Variants in HJURP observed in about 807,000 individuals in gnomAD.
HJURP encodes Holliday junction recognition protein, also known as 14-3-3-associated AKT substrate.
HJURP carries 49 observed loss-of-function variants against 72.0 expected under a neutral mutation model. The ratio of observed to expected loss-of-function variants is 0.68; its 90% confidence interval spans 0.54 to 0.86. The LOEUF is 0.86. Ranked by LOEUF, HJURP falls within the 40% of genes least tolerant of loss-of-function variation. The pLI, the probability that HJURP is intolerant of heterozygous loss-of-function variation, is 0.00. For missense variants in HJURP, 908 were observed against 936.3 expected (o/e 0.97, Z 0.39); for synonymous variants, 357 against 347.1 (o/e 1.03, Z -0.32).
At chr2:233,852,384 C>T (rs1287809809) in intron 3 of HJURP, among the ~76,000 whole-genome samples, 181 bp downstream of exon 3, 1 of 152,186 alleles carries the variant, frequency 6.6e-6, no homozygotes, top group African/African-American at 2.4e-5. Flanking sequence ...ACTCCTTGCA[C>T]TTGACAAGCT....
In HJURP at chr2:233,854,535, T is replaced by G. The variant is rs200433128; in HGVS notation, c.-35A>C. 1.4e-6 allele frequency: 2 copies of G among 1,477,284 alleles called. No individual in the cohort carries two copies. Among genetic ancestry groups the G allele is most frequent in the Admixed American group, 1.9e-5 (1 of 53,634 alleles). 91.5% of individuals were successfully genotyped at this position (1,477,284 alleles called of 1,614,324 possible). ...CCAGTACCCAAGCGCCAACCCGGAC[T>G]GCAGGGCCTCGCGCGCCACAAACTC... On this transcript the variant is annotated 5_prime_UTR_variant, in exon 1 of 9. Coordinates refer to ENST00000411486, the MANE Select transcript of HJURP (RefSeq NM_018410.5).
At chr2:233,838,421 AAAGC>A (rs1476992593) in intron 8 of HJURP, among the ~76,000 whole-genome samples, 2 of 152,154 alleles carry the variant, frequency 1.3e-5, no homozygotes, top group Non-Finnish European at 2.9e-5. Context: ...AGCAGGTGAA[AAAGC>A]AAGGCAGGAG....
At chr2:233,849,961 G>C in intron 3 of HJURP, 102 bp from the exon 4 acceptor site, 3 of 705,082 alleles carry the variant, frequency 4.3e-6, no homozygotes, top group East Asian at 5.4e-5. Context: ...TAACACAGGA[G>C]ACAGCAAGAG....
chr2:233,852,011 C>T (rs1178207655), intron 3 of HJURP, among the ~76,000 whole-genome samples: 1 of 152,154 alleles, frequency 6.6e-6, no homozygotes, highest in African/African-American at 2.4e-5. Context: ...GCCAACAGCA[C>T]CTTCCACTAA....
At chr2:233,850,604 G>T (rs962874136) in intron 3 of HJURP, among the ~76,000 whole-genome samples, 2 of 152,222 alleles carry the variant, frequency 1.3e-5, no homozygotes, top group African/African-American at 4.8e-5. Context: ...ATACCGTTAG[G>T]GATGGTCCTC....
rs778738568 is a variant in HJURP, at chr2:233,837,313, CAAAT to C, written c.*260_*263del. On this transcript the variant is annotated 3_prime_UTR_variant, in exon 9 of 9. Coordinates refer to ENST00000411486, the MANE Select transcript of HJURP (RefSeq NM_018410.5). ...ACAAACAAACAAACAAACAAACAAA[CAAAT>C]AACCCCCCCCCAAAAAAAACACACA... 126 of 326,640 alleles carry C rather than the reference CAAAT, an allele frequency of 3.9e-4. 1 individual carries two copies. The highest frequency in any genetic ancestry group is 5.3e-4 in the Non-Finnish European group (96 of 180,900). 20.2% of individuals were successfully genotyped at this position (326,640 alleles called of 1,614,324 possible). A position where few individuals can be genotyped will look rare whatever the true frequency, so the allele number is the denominator to read the frequency against.
intron 1 of HJURP, 28 bp downstream of exon 1, chr2:233,854,356 C>G: frequency 6.5e-7 from 1 of 1,537,168 alleles, no homozygotes; most frequent in Non-Finnish European, 8.9e-7. Context: ...GCAGGCCTCC[C>G]CTCCCGGCGG....
At position 233,846,030 on chromosome 2, in the gene HJURP, C is replaced by A. The variant is rs148554724; in HGVS notation, c.403-210G>T. The A allele has an allele frequency of 6.0e-4, 293 of 488,492 alleles. 2 individuals are homozygous for A. The highest frequency in any genetic ancestry group is 3.4e-3 in the East Asian group (103 of 30,580). 30.3% of individuals were successfully genotyped at this position (488,492 alleles called of 1,614,324 possible). On this transcript the variant is annotated intron_variant, in intron 5 of 8. Transcript: ENST00000411486. This position sits in a 1 kb window ranked among gnomAD's most constrained non-coding sequence, Gnocchi z 4.3. Reference sequence around the variant, plus strand: ...AAGAATGTAAAAAGACACACACACACAAAAAAACCATGTCTAGAGAAGTTT... The same window carrying A: ...AAGAATGTAAAAAGACACACACACAAAAAAAAACCATGTCTAGAGAAGTTT...
rs1052229393 is a variant in HJURP, at chr2:233,844,225, G to A, written c.554C>T (p.Ser185Leu). The part of the protein sequence containing the change: ...VRVTPLPSLA[S>L]PAVPAPGYCS... ...CTCACCGGGGGCAGGCACGGCAGGTGAGGCCAGTGAAGGCAGCGGAGTCAC... is the reference window on the plus strand; with the variant it reads ...CTCACCGGGGGCAGGCACGGCAGGTAAGGCCAGTGAAGGCAGCGGAGTCAC... Residue 185 changes from serine (S) to leucine (L), a missense_variant, in exon 7 of 9, where the codon TCA becomes TTA. Physicochemically the swap from Ser to Leu is moderately radical, Grantham distance 145 (BLOSUM62 -2). Around this residue, in one of 3 missense-constraint regions of HJURP, gnomAD observed 299 missense variants for 286.7 expected, o/e 1.04. Coordinates refer to ENST00000411486, the MANE Select transcript of HJURP (RefSeq NM_018410.5). The A allele has an allele frequency of 6.2e-7, 1 of 1,614,138 alleles. No individual in the cohort carries two copies. The highest frequency in any genetic ancestry group is 1.3e-5 in the African/African-American group (1 of 75,062).
rs780531768 is a variant in HJURP, at chr2:233,842,170, C to T, written c.610G>A (p.Asp204Asn). Residue 204 changes from aspartate (D) to asparagine (N), a missense_variant, in exon 8 of 9, where the codon GAC (aspartate) becomes AAC (asparagine). Coordinates refer to ENST00000411486, the MANE Select transcript of HJURP (RefSeq NM_018410.5). ...CSRISRKSPG[D>N]PAKPASSPRE... ...GGAGATGAAGCTGGTTTCGCTGGGTCACCAGGACTCTTTCTGGAGATACGA... is the reference window on the plus strand; with the variant it reads ...GGAGATGAAGCTGGTTTCGCTGGGTTACCAGGACTCTTTCTGGAGATACGA... 1 of 1,613,426 alleles carries T rather than the reference C, an allele frequency of 6.2e-7. No individual in the cohort carries two copies. Among genetic ancestry groups the T allele is most frequent in the Non-Finnish European group, 8.5e-7 (1 of 1,179,566 alleles).
rs529999479 is a variant in HJURP, at chr2:233,854,004, G to A, written c.118-94C>T. 5.2e-6 allele frequency: 6 copies of A among 1,148,998 alleles called. No individual in the cohort carries two copies. In the South Asian group the frequency reaches 8.0e-5, roughly 15 times the overall value. 71.2% of individuals were successfully genotyped at this position (1,148,998 alleles called of 1,614,324 possible). ...GGCGCCAGCCCGTGAGAGGCCGTTA[G>A]TCTGGCCTGGGGCGCCCCAAACGCG... On this transcript the variant is annotated intron_variant, in intron 1 of 8. Transcript: ENST00000411486.
chr2:233,844,349 G>A (rs933692403), intron 6 of HJURP, 66 bp from the exon 7 acceptor site: 9 of 1,226,794 alleles, frequency 7.3e-6, no homozygotes, highest in South Asian at 6.0e-5. Context: ...AAGGAGCTGG[G>A]TTCTCCCCTG....
chr2:233,845,628 G>C (rs542060723), intron 6 of HJURP, 100 bp downstream of exon 6: 1 of 711,404 alleles, frequency 1.4e-6, no homozygotes, highest in African/African-American at 1.8e-5. Context: ...TGCTCTTTAT[G>C]GGTTCTGTAG....
In HJURP at chr2:233,840,615, T is replaced by C; in HGVS notation, c.2165A>G (p.Glu722Gly). The C allele has an allele frequency of 3.2e-6, 5 of 1,586,214 alleles. No homozygotes were observed. Among genetic ancestry groups the C allele is most frequent in the Non-Finnish European group, 4.3e-6 (5 of 1,170,284 alleles). ...DQGSSSQPNS[E>G]ERGENTSYRM... The stretch of plus-strand genomic sequence containing the variant: ...CCAACAGAAACACACCTACCTCTCT[T>C]CTGAGTTGGGCTGTGAAGAGCTGCC... Residue 722 changes from glutamate (E) to glycine (G), a missense_variant, in exon 8 of 9, where the codon GAA becomes GGA. By Grantham distance (98) the Glu-to-Gly change is moderately conservative. Around this residue, in one of 3 missense-constraint regions of HJURP, gnomAD observed 598 missense variants for 619.5 expected, o/e 0.97. Transcript: ENST00000411486.
intron 4 of HJURP, among the ~76,000 whole-genome samples, chr2:233,848,506 G>A (rs140734911): frequency 7.9e-5 from 12 of 152,324 alleles, no homozygotes; most frequent in African/African-American, 2.2e-4. Flanking sequence ...GGTGCTCAGC[G>A]GGGACATGAG....
At chr2:233,853,325 T>C (rs1299406434) in intron 2 of HJURP, among the ~76,000 whole-genome samples, 1 of 152,234 alleles carries the variant, frequency 6.6e-6, no homozygotes, top group Non-Finnish European at 1.5e-5. Flanking sequence ...TTCAGTCCGT[T>C]TACATTAACT....
intron 8 of HJURP, among the ~76,000 whole-genome samples, chr2:233,838,027 G>A (rs1705120279): frequency 6.6e-6 from 1 of 152,220 alleles, no homozygotes; most frequent in Non-Finnish European, 1.5e-5. Context: ...AGGGGTTCTG[G>A]TGGGGATGAA....
rs758610224 is a variant in HJURP at position 233,841,049 on chromosome 2, G to GT, written c.1730dup (p.Tyr577Ter). The GT allele has an allele frequency of 1.7e-5, 28 of 1,613,982 alleles. No individual in the cohort carries two copies. Among genetic ancestry groups the GT allele is most frequent in the Non-Finnish European group, 2.1e-5 (25 of 1,180,020 alleles). Residue 577 changes from tyrosine (Y) to a stop codon, truncating the protein, a stop_gained and frameshift_variant, in exon 8 of 9, where the codon TAC becomes TAAC. Coordinates refer to ENST00000411486, the MANE Select transcript of HJURP (RefSeq NM_018410.5). LOFTEE classifies it high-confidence loss of function. Reference protein sequence around the residue: ...KEVPGHGRNRYDEIKEEFDKL... With the variant: ...KEVPGHGRNR ...TGTCAAATTCTTCTTTAATTTCATC[G>GT]TAACGATTCCTTCCGTGGCCTGGCA...
chr2:233,847,630 C>T (rs1269024437), intron 4 of HJURP, among the ~76,000 whole-genome samples, 169 bp from the exon 5 acceptor site: 2 of 152,194 alleles, frequency 1.3e-5, no homozygotes, highest in African/African-American at 2.4e-5. Flanking sequence ...CTTAGTAACC[C>T]AGAGAACCCC....
Sources: gnomAD v4.1 joint callset for allele counts (sites outside exome capture counted in the v4.1 genomes callset) on GRCh38, gnomAD v4.1.1 for gene constraint, gnomAD v4.1.1 regional missense constraint, Gnocchi (gnomAD v3.1) non-coding constraint, MANE v1.5 for transcripts, NCBI Gene and HGNC (gene_info 2026-07-23, HGNC 2026-07-21) for gene names.